The following ZMIZ1 variants were observed in gnomAD, a reference collection of about 807,000 sequenced individuals.
The protein encoded by ZMIZ1 is zinc finger MIZ-type containing 1, also known as zinc finger MIZ domain-containing protein 1.
Under a neutral mutation model 113.9 loss-of-function variants are expected in ZMIZ1, and 17 were observed. The ratio of observed to expected loss-of-function variants is 0.15; its 90% CI spans 0.10 to 0.22. The LOEUF is 0.22. Among genes scored for constraint, ZMIZ1 ranks in the 10% least tolerant of loss-of-function variants. ZMIZ1 has a pLI of 1.00. For missense variants in ZMIZ1, 1,059 were observed against 1,477.8 expected (o/e 0.72, Z 4.65); for synonymous variants, 607 against 603.1 (o/e 1.01, Z -0.09).
Position 79,125,189 on chromosome 10 carries a change from C to T in ZMIZ1, c.-227+6165C>T, listed in dbSNP as rs74818561. Among the ~76,000 whole-genome samples the T allele has an allele frequency of 7.5e-3, 1,143 of 152,258 alleles. 17 individuals are homozygous for T. The highest frequency in any genetic ancestry group is 0.026 in the African/African-American group (1,073 of 41,552). ...CTCAAATGCTGCAAGATAAAGCGAC[C>T]GACGATGGAGCCAGGTGCCACAATC... On this transcript the variant is annotated intron_variant, in intron 2 of 24. Coordinates refer to ENST00000334512, the MANE Select transcript of ZMIZ1 (RefSeq NM_020338.4).
intron 1 of ZMIZ1, among the ~76,000 whole-genome samples, chr10:79,101,623 C>A (rs56719854): frequency 6.6e-6 from 1 of 151,918 alleles, no homozygotes; most frequent in Non-Finnish European, 1.5e-5. Flanking sequence ...GGAGGGCCTA[C>A]TTGTGCAGAG....
chr10:79,291,446 C>T (rs1853489686), intron 10 of ZMIZ1, among the ~76,000 whole-genome samples: 1 of 152,220 alleles, frequency 6.6e-6, no homozygotes, highest in African/African-American at 2.4e-5. Flanking sequence ...TCAAAACAAC[C>T]CTTCTCTAAA....
intron 4 of ZMIZ1, among the ~76,000 whole-genome samples, chr10:79,166,915 C>T (rs1163437057): frequency 2.0e-5 from 3 of 152,248 alleles, no homozygotes; most frequent in African/African-American, 7.2e-5. Context: ...CTCAGCCTGG[C>T]ATTCAAAGTC....
intron 2 of ZMIZ1, among the ~76,000 whole-genome samples, chr10:79,130,917 T>C (rs4979845): frequency 0.18 from 27,453 of 151,994 alleles, 2,919 homozygotes; most frequent in East Asian, 0.4. Context: ...CTCCCAGTTC[T>C]TTGAAGGGTC....
At chr10:79,214,463 T>G (rs2132706024) in intron 6 of ZMIZ1, among the ~76,000 whole-genome samples, 1 of 152,338 alleles carries the variant, frequency 6.6e-6, no homozygotes, top group Admixed American at 6.5e-5. Flanking sequence ...GGGAACCCAT[T>G]GGCTCCTCCC....
chr10:79,259,062 GC>G (rs1851095595), intron 7 of ZMIZ1, among the ~76,000 whole-genome samples: 1 of 152,134 alleles, frequency 6.6e-6, no homozygotes, highest in African/African-American at 2.4e-5. Context: ...CGCCCCAGCC[GC>G]CCGTATTAGT....
intron 1 of ZMIZ1, among the ~76,000 whole-genome samples, chr10:79,099,810 G>A (rs1843298886): frequency 1.3e-5 from 2 of 152,136 alleles, no homozygotes; most frequent in Non-Finnish European, 2.9e-5. Context: ...ATTGAGAGGA[G>A]CTACAGGTGC....
intron 1 of ZMIZ1, among the ~76,000 whole-genome samples, chr10:79,086,651 G>A (rs1274676164): frequency 6.6e-6 from 1 of 152,142 alleles, no homozygotes; most frequent in African/African-American, 2.4e-5. Flanking sequence ...TGGGACTACC[G>A]GCACGAGCCA....
At chr10:79,217,300 C>T (rs1236350738) in intron 7 of ZMIZ1, among the ~76,000 whole-genome samples, 3 of 152,164 alleles carry the variant, frequency 2.0e-5, no homozygotes, top group African/African-American at 7.2e-5. Context: ...TGGCGGGCGC[C>T]TGTAGTCCCA....
intron 1 of ZMIZ1, among the ~76,000 whole-genome samples, chr10:79,083,894 A>T (rs1482021538): frequency 6.6e-6 from 1 of 152,022 alleles, no homozygotes; most frequent in East Asian, 1.9e-4. Context: ...TGCCTCAGCC[A>T]CTCTGTCATA....
At chr10:79,152,438 T>G (rs145419503) in intron 3 of ZMIZ1, among the ~76,000 whole-genome samples, 8 of 152,148 alleles carry the variant, frequency 5.3e-5, no homozygotes, top group Non-Finnish European at 1.0e-4. Context: ...AGGTCGAAGC[T>G]ACAGTGATCA....
At chr10:79,131,712 C>T (rs1844780761) in intron 2 of ZMIZ1, among the ~76,000 whole-genome samples, 1 of 152,168 alleles carries the variant, frequency 6.6e-6, no homozygotes, top group Non-Finnish European at 1.5e-5. Flanking sequence ...TCTGCTGCCC[C>T]CTGAGTTGGG....
intron 7 of ZMIZ1, among the ~76,000 whole-genome samples, chr10:79,259,956 C>G (rs1205310098): frequency 6.6e-6 from 1 of 152,186 alleles, no homozygotes; most frequent in Non-Finnish European, 1.5e-5. Flanking sequence ...TGCTCCCCCT[C>G]TCTCCACTCC....
intron 24 of ZMIZ1, 120 bp downstream of exon 24, chr10:79,311,304 G>GGGGGGGGGGCGC: frequency 2.8e-6 from 1 of 359,152 alleles, no homozygotes; most frequent in Non-Finnish European, 5.5e-6. Flanking sequence ...TGGGCGGTGG[G>GGGGGGGGGGCGC]AGGGCTTCAC....
intron 1 of ZMIZ1, among the ~76,000 whole-genome samples, chr10:79,088,367 G>C (rs972819170): frequency 6.6e-6 from 1 of 152,196 alleles, no homozygotes; most frequent in African/African-American, 2.4e-5. Flanking sequence ...GGCCTCATAT[G>C]CACTGCCTGT....
intron 1 of ZMIZ1, among the ~76,000 whole-genome samples, chr10:79,104,054 A>G (rs1188378914): frequency 6.6e-6 from 1 of 152,218 alleles, no homozygotes; most frequent in Non-Finnish European, 1.5e-5. Flanking sequence ...GATGGGAAGG[A>G]CAGCAGGAGT....
chr10:79,156,500 C>T (rs752118581), intron 3 of ZMIZ1, among the ~76,000 whole-genome samples: 12 of 152,180 alleles, frequency 7.9e-5, no homozygotes, highest in South Asian at 2.1e-4. Flanking sequence ...GCTGCCTGTC[C>T]GCCCTTCCCT....
At chr10:79,185,747 A>G (rs1299852666) in intron 4 of ZMIZ1, among the ~76,000 whole-genome samples, 1 of 151,962 alleles carries the variant, frequency 6.6e-6, no homozygotes, top group Non-Finnish European at 1.5e-5. Flanking sequence ...CCATTGGAGG[A>G]TTGTGGATGA....
chr10:79,179,811 A>AG (rs1178629261), intron 4 of ZMIZ1, among the ~76,000 whole-genome samples: 1 of 152,242 alleles, frequency 6.6e-6, no homozygotes, highest in Non-Finnish European at 1.5e-5. Context: ...CAGGCCCACA[A>AG]GGGGGCAGAG....
Sources: allele counts gnomAD v4.1 joint callset (sites outside exome capture counted in the v4.1 genomes callset), GRCh38; gene constraint gnomAD v4.1.1; transcripts MANE v1.5; gene names NCBI Gene and HGNC (gene_info 2026-07-23, HGNC 2026-07-21).